The following RBPJ variants were observed in gnomAD, a reference collection of about 807,000 sequenced individuals.
RBPJ encodes the protein recombination signal binding protein for immunoglobulin kappa J region.
Under a neutral mutation model 67.8 loss-of-function variants are expected in RBPJ, and 9 were observed. That is an observed-to-expected ratio of 0.13 (90% CI 0.08 to 0.23). RBPJ has a LOEUF of 0.23. RBPJ is among the 10% of genes least tolerant of loss of function. RBPJ has a pLI of 1.00. For synonymous variants in RBPJ, 198 were observed against 203.3 expected (o/e 0.97, Z 0.22); for missense variants, 305 against 595.6 (o/e 0.51, Z 5.08).
intron 1 of RBPJ, among the ~76,000 whole-genome samples, chr4:26,255,221 G>A (rs369224404): frequency 6.4e-4 from 85 of 133,606 alleles, no homozygotes; most frequent in Middle Eastern, 7.6e-3. Context: ...TGGCTAACAC[G>A]GTGAGACCCC....
the RBPJ span, among the ~76,000 whole-genome samples, chr4:26,121,873 C>CTTTTT: frequency 4.3e-5 from 4 of 94,106 alleles, no homozygotes; most frequent in Non-Finnish European, 6.1e-5. Context: ...GAGTATCTCT[C>CTTTTT]TTTTTTTTTT....
intron 1 of RBPJ, among the ~76,000 whole-genome samples, chr4:26,226,520 G>A (rs796586910): frequency 2.6e-5 from 4 of 152,242 alleles, no homozygotes; most frequent in African/African-American, 9.6e-5. Flanking sequence ...ATTGGGGATG[G>A]GGAAGGAATT....
chr4:26,417,346 CT>C (rs770350282), intron 4 of RBPJ, among the ~76,000 whole-genome samples: 6 of 152,110 alleles, frequency 3.9e-5, no homozygotes, highest in Non-Finnish European at 5.9e-5. Flanking sequence ...AATTTTGTAC[CT>C]TTAGGGGCTG....
chr4:26,167,571 C>A (rs890610006), intron 1 of RBPJ, among the ~76,000 whole-genome samples: 11 of 143,170 alleles, frequency 7.7e-5, no homozygotes, highest in Non-Finnish European at 1.5e-4. Context: ...AATTTTGTAT[C>A]CTGAGACTTT....
intron 1 of RBPJ, among the ~76,000 whole-genome samples, chr4:26,290,111 C>A (rs922116344): frequency 6.7e-6 from 1 of 149,868 alleles, no homozygotes; most frequent in African/African-American, 2.5e-5. Flanking sequence ...GGGAGGGTTG[C>A]TTGAGGCCAG....
intron 1 of RBPJ, among the ~76,000 whole-genome samples, chr4:26,326,961 C>T (rs1379745364): frequency 6.6e-6 from 1 of 152,146 alleles, no homozygotes; most frequent in African/African-American, 2.4e-5. Context: ...TAAATTACTG[C>T]TTGACCACGA....
At chr4:26,369,772 G>A (rs996181494) in intron 1 of RBPJ, among the ~76,000 whole-genome samples, 2 of 152,066 alleles carry the variant, frequency 1.3e-5, no homozygotes, top group African/African-American at 4.8e-5. Flanking sequence ...TGGTGGCTGT[G>A]ACACTCCCTC....
At chr4:26,278,520 A>C (rs1721154146) in intron 1 of RBPJ, among the ~76,000 whole-genome samples, 1 of 152,244 alleles carries the variant, frequency 6.6e-6, no homozygotes, top group South Asian at 2.1e-4. Context: ...AACAAGAATC[A>C]TTTGAATAAC....
chr4:26,400,605 A>G (rs1251700262), intron 2 of RBPJ, among the ~76,000 whole-genome samples: 1 of 152,264 alleles, frequency 6.6e-6, no homozygotes, highest in Non-Finnish European at 1.5e-5. Flanking sequence ...GCCAGAGAAC[A>G]TAATTTTTAA....
chr4:26,204,968 G>A (rs888307604), intron 1 of RBPJ, among the ~76,000 whole-genome samples: 1 of 152,192 alleles, frequency 6.6e-6, no homozygotes, highest in African/African-American at 2.4e-5. Context: ...CAAGTGTGGA[G>A]TTGGCCACCT....
At chr4:26,364,599 TTTTTTTTTTTTTTCTTTTTCATTTTC>T (rs1313780646) in intron 1 of RBPJ, among the ~76,000 whole-genome samples, 4 of 26,932 alleles carry the variant, frequency 1.5e-4, no homozygotes, top group African/African-American at 4.7e-4. Context: ...TTTGGAAGAC[TTTTTTTTTTTTTTCTTTTTCATTTTC>T]TTTTTTTTTT....
Position 26,224,223 on chromosome 4 carries a change from C to T in RBPJ, c.-167+60609C>T, listed in dbSNP as rs186045581. Among the ~76,000 whole-genome samples the T allele has an allele frequency of 8.6e-5, 13 of 151,142 alleles. No homozygotes were observed. The East Asian group carries it at 9.7e-4, about 11-fold the overall frequency. On this transcript the variant is annotated intron_variant, in intron 1 of 4. Transcript: ENST00000512351. ...TTTACTCCCATTGTGCATTCTGTTC[C>T]GTAAGAACACAAGATTCTTTTTTTG...
chr4:26,398,080 G>C (rs1301103110), intron 2 of RBPJ, among the ~76,000 whole-genome samples: 1 of 152,118 alleles, frequency 6.6e-6, no homozygotes, highest in African/African-American at 2.4e-5. Flanking sequence ...TTGTGTGTGT[G>C]TGTGTGTGTG....
chr4:26,359,564 G>A (rs4692531), intron 1 of RBPJ: 70,148 of 151,898 alleles, frequency 0.46, 18,723 homozygotes, highest in Admixed American at 0.61. Context: ...CCCTGCTGCC[G>A]GCGCCGGCAG....
upstream of RBPJ, chr4:26,320,602 A>G (rs1722911253): frequency 4.9e-6 from 4 of 821,924 alleles, no homozygotes; most frequent in Non-Finnish European, 5.6e-6. Flanking sequence ...TGTGAAACGC[A>G]GCCCATTTTC....
chr4:26,426,454 A>G (rs1470376549), intron 7 of RBPJ, among the ~76,000 whole-genome samples: 1 of 152,240 alleles, frequency 6.6e-6, no homozygotes, highest in Non-Finnish European at 1.5e-5. Flanking sequence ...TGAAAAATTA[A>G]CTTATTAGAA....
chr4:26,116,733 G>T, the RBPJ span, among the ~76,000 whole-genome samples: 1 of 152,364 alleles, frequency 6.6e-6, no homozygotes, highest in East Asian at 1.9e-4. Flanking sequence ...CATTGTGGAT[G>T]CCACTGCCAC....
intron 1 of RBPJ, among the ~76,000 whole-genome samples, chr4:26,358,267 G>C (rs948393863): frequency 1.3e-5 from 2 of 152,006 alleles, no homozygotes; most frequent in African/African-American, 4.8e-5. Context: ...TATCCTACTA[G>C]TAGTAAGTAC....
At chr4:26,372,669 T>C (rs1348793682) in intron 1 of RBPJ, among the ~76,000 whole-genome samples, 1 of 152,198 alleles carries the variant, frequency 6.6e-6, no homozygotes, top group Non-Finnish European at 1.5e-5. Context: ...TACTAGTGTT[T>C]CCATAAGTTA....
Sources: gnomAD v4.1 joint callset for allele counts (sites outside exome capture counted in the v4.1 genomes callset) on GRCh38, gnomAD v4.1.1 for gene constraint, MANE v1.5 for transcripts, NCBI Gene and HGNC (gene_info 2026-07-23, HGNC 2026-07-21) for gene names.